The following TENM2 variants were observed in gnomAD, a reference collection of about 807,000 sequenced individuals.
The protein encoded by TENM2 is teneurin transmembrane protein 2.
In TENM2, 52 loss-of-function variants were observed where a neutral mutation model predicts 245.2. The ratio of observed to expected loss-of-function variants is 0.21; its 90% confidence interval spans 0.17 to 0.27. The LOEUF (loss-of-function observed/expected upper bound fraction) is 0.27, where lower values mean the gene tolerates loss of function less well. Ranked by LOEUF, TENM2 falls within the 10% of genes least tolerant of loss-of-function variation. TENM2 has a pLI of 1.00. For synonymous variants in TENM2, 1,363 were observed against 1,438.9 expected (o/e 0.95, Z 1.19); for missense variants, 3,046 against 3,666.8 (o/e 0.83, Z 4.37).
chr5:167,797,840 T>G (rs1765429675), intron 2 of TENM2, among the ~76,000 whole-genome samples: 1 of 152,144 alleles, frequency 6.6e-6, no homozygotes, highest in African/African-American at 2.4e-5. Flanking sequence ...TGTTGCTGAC[T>G]GACAGCTGCA....
chr5:167,061,356 C>T, the TENM2 span, among the ~76,000 whole-genome samples: 3 of 152,182 alleles, frequency 2.0e-5, no homozygotes, highest in Non-Finnish European at 4.4e-5. Context: ...TTGCTCAGAT[C>T]GCACTCATCC....
intron 2 of TENM2, among the ~76,000 whole-genome samples, chr5:167,685,991 C>T (rs1283853100): frequency 6.6e-6 from 1 of 152,128 alleles, no homozygotes; most frequent in Non-Finnish European, 1.5e-5. Flanking sequence ...CAAGTCACTT[C>T]CACATCCTCG....
intron 2 of TENM2, among the ~76,000 whole-genome samples, chr5:167,796,409 A>C (rs1765321665): frequency 6.6e-6 from 1 of 152,128 alleles, no homozygotes; most frequent in South Asian, 2.1e-4. Flanking sequence ...TGTTTCTGCA[A>C]ATCGCTGTGG....
intron 5 of TENM2, among the ~76,000 whole-genome samples, chr5:168,010,858 G>C (rs1480303954): frequency 6.6e-6 from 1 of 152,200 alleles, no homozygotes; most frequent in Non-Finnish European, 1.5e-5. Context: ...TATTCAATTT[G>C]GGGGCGTTAT....
At chr5:167,379,588 CTT>C (rs1197991031) in intron 2 of TENM2, among the ~76,000 whole-genome samples, 1 of 152,100 alleles carries the variant, frequency 6.6e-6, no homozygotes, top group Non-Finnish European at 1.5e-5. Context: ...CTCTATTACT[CTT>C]ACATGCTCAA....
At chr5:167,586,799 C>T (rs1018866515) in intron 2 of TENM2, among the ~76,000 whole-genome samples, 4 of 152,106 alleles carry the variant, frequency 2.6e-5, no homozygotes, top group Non-Finnish European at 5.9e-5. Context: ...TAATCAATAC[C>T]AGAGTAAAGA....
At chr5:167,537,654 G>A (rs1438495357) in intron 2 of TENM2, among the ~76,000 whole-genome samples, 11 of 152,180 alleles carry the variant, frequency 7.2e-5, no homozygotes, top group Admixed American at 2.0e-4. Context: ...GACTGTGAAC[G>A]AATCTGAGCC....
chr5:167,487,459 A>T (rs966275320), intron 2 of TENM2, among the ~76,000 whole-genome samples: 1 of 151,676 alleles, frequency 6.6e-6, no homozygotes, highest in Non-Finnish European at 1.5e-5. Flanking sequence ...GTTTATATAT[A>T]TGTGTTTTTG....
chr5:167,946,661 G>T (rs1300263156), intron 3 of TENM2, among the ~76,000 whole-genome samples: 2 of 152,078 alleles, frequency 1.3e-5, no homozygotes, highest in African/African-American at 4.8e-5. Context: ...TTCTGGTTTT[G>T]GGTTCCTTTG....
At chr5:167,920,709 C>A (rs2151634717) in intron 3 of TENM2, among the ~76,000 whole-genome samples, 1 of 152,248 alleles carries the variant, frequency 6.6e-6, no homozygotes, top group East Asian at 1.9e-4. Flanking sequence ...GATCTTGAAA[C>A]TTGACTACAG....
intron 2 of TENM2, among the ~76,000 whole-genome samples, chr5:167,657,349 T>A (rs1754912251): frequency 6.6e-6 from 1 of 152,216 alleles, no homozygotes; most frequent in African/African-American, 2.4e-5. Context: ...CTCTATTGTG[T>A]GTATGCACCA....
chr5:167,127,674 T>C, the TENM2 span, among the ~76,000 whole-genome samples: 1 of 150,598 alleles, frequency 6.6e-6, no homozygotes, highest in African/African-American at 2.4e-5. Flanking sequence ...TAATGAATAA[T>C]TACTTTAATG....
chr5:167,875,555 C>T (rs1773349775), intron 2 of TENM2, among the ~76,000 whole-genome samples: 1 of 152,046 alleles, frequency 6.6e-6, no homozygotes, highest in East Asian at 1.9e-4. Flanking sequence ...TCTGATTCCT[C>T]ACCTTAAAAT....
At chr5:167,772,672 GT>G (rs1763482983) in intron 2 of TENM2, among the ~76,000 whole-genome samples, 2 of 151,234 alleles carry the variant, frequency 1.3e-5, no homozygotes, top group African/African-American at 4.9e-5. Context: ...CCTATTAATA[GT>G]TTGCTTCATA....
At chr5:168,069,915 T>TAA (rs1392167726) in intron 7 of TENM2, among the ~76,000 whole-genome samples, 2 of 152,102 alleles carry the variant, frequency 1.3e-5, no homozygotes. Context: ...GTAGCACAGT[T>TAA]AAACACGGAG....
At chr5:167,964,602 G>A (rs1167252045) in intron 4 of TENM2, among the ~76,000 whole-genome samples, 2 of 152,164 alleles carry the variant, frequency 1.3e-5, no homozygotes, top group Non-Finnish European at 2.9e-5. Flanking sequence ...ATAAACAAAT[G>A]TCCCTTACAC....
intron 2 of TENM2, among the ~76,000 whole-genome samples, chr5:167,419,259 C>T (rs1372923418): frequency 1.3e-5 from 2 of 151,888 alleles, no homozygotes; most frequent in Non-Finnish European, 2.9e-5. Context: ...GTCAGAAGTT[C>T]AAGACCAGCC....
chr5:168,125,026 T>C, exon 11 of TENM2: 1 of 1,609,260 alleles, frequency 6.2e-7, no homozygotes, highest in Non-Finnish European at 8.5e-7. Context: ...CGATCCCAAC[T>C]GGATGGGTCC....
intron 2 of TENM2, among the ~76,000 whole-genome samples, chr5:167,507,166 A>G (rs977816762): frequency 3.3e-5 from 5 of 152,200 alleles, no homozygotes; most frequent in Non-Finnish European, 5.9e-5. Flanking sequence ...TTTCAGATAA[A>G]TAGAATCGTA....
Sources: allele counts gnomAD v4.1 joint callset (sites outside exome capture counted in the v4.1 genomes callset), GRCh38; gene constraint gnomAD v4.1.1; transcripts MANE v1.5; gene names NCBI Gene and HGNC (gene_info 2026-07-23, HGNC 2026-07-21).